The following PTPRD variants were observed in gnomAD, a reference collection of about 807,000 sequenced individuals.
PTPRD encodes protein tyrosine phosphatase receptor type D.
A neutral mutation model predicts 214.5 loss-of-function variants in PTPRD; 34 were observed. That is an observed-to-expected ratio of 0.16 (90% confidence interval 0.12 to 0.21). The LOEUF is 0.21. Among genes scored for constraint, PTPRD ranks in the 10% least tolerant of loss-of-function variants. PTPRD has a pLI of 1.00. For missense variants in PTPRD, 2,545 were observed against 2,398.7 expected, an observed-to-expected ratio of 1.06 and a Z score of -1.27; for synonymous variants, 1,128 against 845.7, an observed-to-expected ratio of 1.33 and a Z score of -5.79.
At position 9,027,233 on chromosome 9, in the gene PTPRD, C is replaced by T. The variant is rs374667728; in HGVS notation, c.-142-8498G>A. 4.0e-4 allele frequency among the ~76,000 whole-genome samples: 61 copies of T among 151,796 alleles called. 1 individual carries two copies. In the South Asian group the frequency reaches 0.012, roughly 29 times the overall value. On this transcript the variant is annotated intron_variant, in intron 10 of 45. Coordinates refer to ENST00000381196, the MANE Select transcript of PTPRD (RefSeq NM_002839.4). ...CGATAAACCAAGAAAGAATTTGTTC[C>T]CCCACAAGGCTCTCTGCCTGCATTT...
chr9:9,235,895 T>A (rs1235840514), intron 9 of PTPRD, among the ~76,000 whole-genome samples: 1 of 152,188 alleles, frequency 6.6e-6, no homozygotes, highest in Admixed American at 6.5e-5. Context: ...ATTCTAAACA[T>A]GGAAAGTTAC....
At chr9:8,770,692 T>G (rs1279749025) in intron 11 of PTPRD, among the ~76,000 whole-genome samples, 1 of 152,196 alleles carries the variant, frequency 6.6e-6, no homozygotes, top group Non-Finnish European at 1.5e-5. Context: ...GAAATATATA[T>G]TGTATGTTTT....
intron 2 of PTPRD, among the ~76,000 whole-genome samples, chr9:10,487,410 A>G (rs915375764): frequency 7.3e-5 from 11 of 151,210 alleles, no homozygotes; most frequent in Non-Finnish European, 1.6e-4. Context: ...AGTTAAGGTA[A>G]TTTTCTCCTG....
intron 5 of PTPRD, among the ~76,000 whole-genome samples, chr9:9,828,601 T>C (rs1477233123): frequency 1.3e-5 from 2 of 152,046 alleles, no homozygotes; most frequent in Non-Finnish European, 2.9e-5. Flanking sequence ...TGTATACATA[T>C]GTAACAAACC....
intron 3 of PTPRD, among the ~76,000 whole-genome samples, chr9:10,198,311 C>T (rs904303260): frequency 1.3e-5 from 2 of 152,120 alleles, no homozygotes; most frequent in African/African-American, 4.8e-5. Flanking sequence ...TGTAGCAACA[C>T]TGACAGGTCA....
chr9:10,089,860 C>A (rs1351371504), intron 3 of PTPRD, among the ~76,000 whole-genome samples: 2 of 151,662 alleles, frequency 1.3e-5, no homozygotes, highest in African/African-American at 4.8e-5. Context: ...AACCATCAGA[C>A]ACCTGACTGT....
intron 7 of PTPRD, among the ~76,000 whole-genome samples, chr9:9,734,298 G>A (rs2098253832): frequency 6.6e-6 from 1 of 152,106 alleles, no homozygotes; most frequent in African/African-American, 2.4e-5. Flanking sequence ...TGTTTGGAAT[G>A]TTCTTCTAAC....
chr9:8,772,884 A>T (rs1049586945), intron 11 of PTPRD, among the ~76,000 whole-genome samples: 4 of 151,976 alleles, frequency 2.6e-5, no homozygotes, highest in African/African-American at 9.7e-5. Context: ...TTGTTCTGAG[A>T]TTCAGTTAAG....
At chr9:8,655,139 G>C (rs1457650057) in intron 12 of PTPRD, among the ~76,000 whole-genome samples, 1 of 152,150 alleles carries the variant, frequency 6.6e-6, no homozygotes, top group Non-Finnish European at 1.5e-5. Context: ...TCTTCACAAA[G>C]TGGCAATCCA....
At chr9:9,327,450 C>A (rs1051866303) in intron 9 of PTPRD, among the ~76,000 whole-genome samples, 13 of 151,834 alleles carry the variant, frequency 8.6e-5, no homozygotes, top group African/African-American at 3.1e-4. Context: ...TGGCACAACC[C>A]AAGACACTAA....
intron 5 of PTPRD, among the ~76,000 whole-genome samples, chr9:9,780,407 G>T (rs2098833871): frequency 6.6e-6 from 1 of 151,906 alleles, no homozygotes; most frequent in South Asian, 2.1e-4. Context: ...AAAAATAAAA[G>T]CAATTAAAAC....
At chr9:10,007,690 T>C (rs1168710351) in intron 4 of PTPRD, among the ~76,000 whole-genome samples, 1 of 151,988 alleles carries the variant, frequency 6.6e-6, no homozygotes, top group Non-Finnish European at 1.5e-5. Flanking sequence ...TACAACCCCA[T>C]GCACATGAGG....
chr9:8,748,883 C>T (rs997977089), intron 11 of PTPRD, among the ~76,000 whole-genome samples: 14 of 152,230 alleles, frequency 9.2e-5, no homozygotes, highest in African/African-American at 3.4e-4. Context: ...GCACTCCAGC[C>T]TGGGTAATAA....
At chr9:8,891,720 A>G (rs1456515109) in intron 11 of PTPRD, among the ~76,000 whole-genome samples, 1 of 152,140 alleles carries the variant, frequency 6.6e-6, no homozygotes, top group African/African-American at 2.4e-5. Flanking sequence ...TAGTATGTTA[A>G]TGGTGCCCTT....
At chr9:9,135,164 G>C (rs2099848901) in intron 10 of PTPRD, among the ~76,000 whole-genome samples, 1 of 152,156 alleles carries the variant, frequency 6.6e-6, no homozygotes, top group South Asian at 2.1e-4. Flanking sequence ...ATCATATTTT[G>C]CCTCAATTTG....
intron 2 of PTPRD, among the ~76,000 whole-genome samples, chr9:10,465,297 G>A (rs116803364): frequency 0.027 from 4,101 of 152,132 alleles, 194 homozygotes; most frequent in African/African-American, 0.093. Flanking sequence ...CACACTAGCC[G>A]CAACAAAGTT....
chr9:8,727,666 G>C (rs1018064488), intron 12 of PTPRD, among the ~76,000 whole-genome samples: 2 of 151,654 alleles, frequency 1.3e-5, no homozygotes, highest in African/African-American at 2.4e-5. Context: ...TTGTTTGTTT[G>C]TTTGTTTTGA....
chr9:8,955,320 G>C (rs996469660), intron 11 of PTPRD, among the ~76,000 whole-genome samples: 7 of 151,802 alleles, frequency 4.6e-5, no homozygotes, highest in Non-Finnish European at 7.4e-5. Context: ...TTCTTAACAG[G>C]AGATCTTCAG....
intron 4 of PTPRD, among the ~76,000 whole-genome samples, chr9:9,992,885 C>T (rs1425900670): frequency 6.6e-6 from 1 of 151,904 alleles, no homozygotes; most frequent in Non-Finnish European, 1.5e-5. Context: ...ACCAACATGG[C>T]ACATGTATAC....
Sources: gnomAD v4.1 joint callset for allele counts (sites outside exome capture counted in the v4.1 genomes callset) on GRCh38, gnomAD v4.1.1 for gene constraint, MANE v1.5 for transcripts, NCBI Gene and HGNC (gene_info 2026-07-23, HGNC 2026-07-21) for gene names.